Variants in MICAL2 observed in about 807,000 individuals in gnomAD.
MICAL2 encodes [F-actin]-monooxygenase MICAL2.
In MICAL2, 77 loss-of-function variants were observed where a neutral mutation model predicts 127.3. The ratio of observed to expected loss-of-function variants is 0.60; its 90% CI spans 0.50 to 0.73. The LOEUF (loss-of-function observed/expected upper bound fraction) is 0.73. Among genes scored for constraint, MICAL2 ranks in the 30% least tolerant of loss-of-function variants. MICAL2 has a pLI of 0.00. For synonymous variants in MICAL2, 570 were observed against 551.1 expected (o/e 1.03, Z -0.48); for missense variants, 1,351 against 1,434.4 (o/e 0.94, Z 0.94).
intron 32 of MICAL2, among the ~76,000 whole-genome samples, chr11:12,332,372 G>A (rs1679804861): frequency 6.6e-6 from 1 of 152,134 alleles, no homozygotes; most frequent in Non-Finnish European, 1.5e-5. Flanking sequence ...CTAAATACAG[G>A]TAGCCATGAA....
At chr11:12,129,542 T>TC (rs1167107582) in intron 1 of MICAL2, among the ~76,000 whole-genome samples, 1 of 151,448 alleles carries the variant, frequency 6.6e-6, no homozygotes, top group Non-Finnish European at 1.5e-5. Context: ...ATTCATCATT[T>TC]CCCCCTTAGC....
chr11:12,242,573 G>A, intron 19 of MICAL2, 98 bp from the exon 20 acceptor site: 1 of 1,438,786 alleles, frequency 7.0e-7, no homozygotes, highest in Non-Finnish European at 9.7e-7. Context: ...GAGCAGGCAA[G>A]GCCCCCGGCT....
At chr11:12,168,299 CCATA>C (rs983037312) in intron 3 of MICAL2, among the ~76,000 whole-genome samples, 2 of 150,546 alleles carry the variant, frequency 1.3e-5, no homozygotes, top group African/African-American at 4.9e-5. Context: ...ACGCCACACA[CCATA>C]CACACATACA....
At chr11:12,131,299 CAAAAAAAAAA>C (rs60340716) in intron 1 of MICAL2, among the ~76,000 whole-genome samples, 1 of 13,702 alleles carries the variant, frequency 7.3e-5, no homozygotes, top group African/African-American at 1.6e-4. Flanking sequence ...GACTCCGTCT[CAAAAAAAAAA>C]AAAAAAAAAA....
At chr11:12,228,455 G>T (rs1454006526) in intron 15 of MICAL2, among the ~76,000 whole-genome samples, 1 of 152,202 alleles carries the variant, frequency 6.6e-6, no homozygotes. Flanking sequence ...TCAACTCATT[G>T]AAAGGCATTT....
Position 12,256,904 on chromosome 11 carries a change from G to A in MICAL2, c.3075G>A (p.Glu1025=), listed in dbSNP as rs1862404661. The A allele has an allele frequency of 3.7e-6, 6 of 1,614,218 alleles. No individual in the cohort carries two copies. Among genetic ancestry groups the A allele is most frequent in the Non-Finnish European group, 4.2e-6 (5 of 1,180,026 alleles). Residue 1025 remains glutamate (E), a synonymous_variant, in exon 24 of 28, where the codon GAG becomes GAA. Transcript: ENST00000683283. ...CCGAGGGCCACTTCTTCCACCGGGA[G>A]TGTTTCCGCTGCAGCATCTGTGCCA... ...LSAEGHFFHR[E]CFRCSICATT... is the part of the protein sequence containing the mutation.
chr11:12,219,760 A>G (rs990981838), intron 8 of MICAL2, among the ~76,000 whole-genome samples: 1 of 152,156 alleles, frequency 6.6e-6, no homozygotes, highest in African/African-American at 2.4e-5. Flanking sequence ...TTCTCATGAG[A>G]ACCAGACCTA....
chr11:12,301,885 T>C (rs1468944521), intron 29 of MICAL2, among the ~76,000 whole-genome samples: 2 of 152,164 alleles, frequency 1.3e-5, no homozygotes, highest in Admixed American at 6.6e-5. Flanking sequence ...AGAAAGACAC[T>C]CCTGAGTTGT....
chr11:12,325,089 C>T (rs1864339949), intron 31 of MICAL2, among the ~76,000 whole-genome samples: 1 of 151,938 alleles, frequency 6.6e-6, no homozygotes, highest in Non-Finnish European at 1.5e-5. Flanking sequence ...AGACTTTCAT[C>T]CTTAGTTGTT....
At chr11:12,123,354 C>G (rs1448469120) in intron 1 of MICAL2, among the ~76,000 whole-genome samples, 6 of 152,168 alleles carry the variant, frequency 3.9e-5, no homozygotes, top group African/African-American at 1.4e-4. Context: ...ACTCACTGTT[C>G]TCTTCTAGTC....
intron 5 of MICAL2, among the ~76,000 whole-genome samples, chr11:12,209,225 G>A (rs77139943): frequency 0.019 from 2,880 of 152,288 alleles, 49 homozygotes; most frequent in Non-Finnish European, 0.027. Context: ...AGTTTATGGA[G>A]CATTGAGGAT....
At chr11:12,146,150 C>A (rs2133675091) in intron 2 of MICAL2, among the ~76,000 whole-genome samples, 1 of 152,258 alleles carries the variant, frequency 6.6e-6, no homozygotes, top group Admixed American at 6.5e-5. Context: ...AGGACATAGG[C>A]ATGGGCAAGG....
rs569659339 is a variant in MICAL2 at position 12,286,047 on chromosome 11, C to T, written c.255-1040C>T. On this transcript the variant is annotated intron_variant, in intron 2 of 2. Coordinates refer to the MICAL2 transcript ENST00000529028. Reference sequence around the variant, plus strand: ...GCCTGGGAACAGGGAACACGTGGACCCCACTGCCCACTCTCACACCCTAAG... The same window carrying T: ...GCCTGGGAACAGGGAACACGTGGACTCCACTGCCCACTCTCACACCCTAAG... Among the ~76,000 whole-genome samples the T allele has an allele frequency of 2.6e-5, 4 of 152,314 alleles. No individual in the cohort carries two copies. The South Asian group carries it at 8.3e-4, about 32-fold the overall frequency.
intron 3 of MICAL2, among the ~76,000 whole-genome samples, chr11:12,187,693 C>T (rs1051675306): frequency 2.6e-5 from 4 of 152,130 alleles, no homozygotes; most frequent in Non-Finnish European, 5.9e-5. Context: ...TGGGGGTTCC[C>T]GAGAGTGGAT....
chr11:12,336,042 G>T (rs139969965), intron 32 of MICAL2, among the ~76,000 whole-genome samples: 1 of 152,254 alleles, frequency 6.6e-6, no homozygotes, highest in African/African-American at 2.4e-5. Context: ...ATTACCTTAG[G>T]CAGTATGGCC....
At chr11:12,278,624 G>C (rs1388614900) in intron 1 of MICAL2, among the ~76,000 whole-genome samples, 1 of 152,186 alleles carries the variant, frequency 6.6e-6, no homozygotes, top group Non-Finnish European at 1.5e-5. Context: ...CTCGCTTTGG[G>C]GAATGGATGA....
intron 29 of MICAL2, among the ~76,000 whole-genome samples, chr11:12,311,700 C>G (rs551867801): frequency 2.4e-4 from 36 of 152,370 alleles, no homozygotes; most frequent in African/African-American, 8.4e-4. Flanking sequence ...GGCACCATGC[C>G]TGGCCAAATT....
chr11:12,294,768 C>T (rs772943277), downstream of MICAL2: 1 of 1,611,530 alleles, frequency 6.2e-7, no homozygotes, highest in Non-Finnish European at 8.5e-7. Context: ...CTGCTGCAGC[C>T]TTTCAAAAGC....
chr11:12,171,527 C>T (rs1372573789), intron 3 of MICAL2, among the ~76,000 whole-genome samples: 1 of 152,222 alleles, frequency 6.6e-6, no homozygotes, highest in African/African-American at 2.4e-5. Flanking sequence ...ATCTGTCTAT[C>T]TCCTACTCAA....
Sources: gnomAD v4.1 joint callset for allele counts (sites outside exome capture counted in the v4.1 genomes callset) on GRCh38, gnomAD v4.1.1 for gene constraint, MANE v1.5 for transcripts, NCBI Gene and HGNC (gene_info 2026-07-23, HGNC 2026-07-21) for gene names.